NRXN3: variants seen among roughly 807,000 people sequenced by gnomAD.
NRXN3 encodes neurexin III.
A neutral mutation model predicts 137.6 loss-of-function variants in NRXN3; 32 were observed. The ratio of observed to expected loss-of-function variants is 0.23; its 90% CI spans 0.18 to 0.31. The LOEUF (loss-of-function observed/expected upper bound fraction) is 0.31, where lower values mean the gene tolerates loss of function less well. Ranked by LOEUF, NRXN3 falls within the 10% of genes least tolerant of loss-of-function variation. The pLI is 1.00. For missense variants in NRXN3, 1,574 were observed against 2,062.5 expected (o/e 0.76, Z 4.59); for synonymous variants, 798 against 784.5 (o/e 1.02, Z -0.29).
At chr14:78,808,953 T>G (rs1166000044) in intron 9 of NRXN3, among the ~76,000 whole-genome samples, 1 of 151,456 alleles carries the variant, frequency 6.6e-6, no homozygotes, top group Non-Finnish European at 1.5e-5. Context: ...CTTTCTTCCT[T>G]TAAAAAAAAA....
At chr14:79,275,133 T>A (rs1056565322) in intron 15 of NRXN3, among the ~76,000 whole-genome samples, 1 of 152,220 alleles carries the variant, frequency 6.6e-6, no homozygotes. Context: ...AAAGTCGAAC[T>A]GTTTTATGGT....
At chr14:79,135,959 C>T (rs543486974) in intron 15 of NRXN3, among the ~76,000 whole-genome samples, 1 of 152,302 alleles carries the variant, frequency 6.6e-6, no homozygotes, top group Non-Finnish European at 1.5e-5. Flanking sequence ...AATTATCCAA[C>T]ACTTTTCTTC....
At chr14:78,918,308 G>GAAAAAAAAAA (rs1271301238) in intron 10 of NRXN3, among the ~76,000 whole-genome samples, 9 of 105,782 alleles carry the variant, frequency 8.5e-5, no homozygotes, top group African/African-American at 3.5e-4. Context: ...AAAAAAAAAA[G>GAAAAAAAAAA]AGAGAGAGAG....
chr14:78,297,198 C>T (rs2076427664), intron 3 of NRXN3, among the ~76,000 whole-genome samples: 1 of 152,130 alleles, frequency 6.6e-6, no homozygotes, highest in African/African-American at 2.4e-5. Flanking sequence ...ATTGTTGTCC[C>T]TGGGCTAAGA....
intron 4 of NRXN3, among the ~76,000 whole-genome samples, chr14:78,548,115 A>C (rs2096653280): frequency 6.6e-6 from 1 of 152,252 alleles, no homozygotes; most frequent in African/African-American, 2.4e-5. Context: ...CAAGGCCATA[A>C]AACAGAAAAG....
chr14:78,610,378 C>A (rs1478203889), intron 4 of NRXN3, among the ~76,000 whole-genome samples: 1 of 152,170 alleles, frequency 6.6e-6, no homozygotes, highest in East Asian at 1.9e-4. Flanking sequence ...TCTGGCCAAC[C>A]AGGCTCCTGC....
At chr14:79,169,836 A>G (rs1363838962) in intron 15 of NRXN3, among the ~76,000 whole-genome samples, 3 of 152,126 alleles carry the variant, frequency 2.0e-5, no homozygotes, top group Admixed American at 6.6e-5. Flanking sequence ...GGGAAGACAC[A>G]CCAGTGGGAG....
intron 15 of NRXN3, among the ~76,000 whole-genome samples, chr14:79,340,748 G>A (rs2153362138): frequency 6.6e-6 from 1 of 152,348 alleles, no homozygotes; most frequent in Non-Finnish European, 1.5e-5. Context: ...ACAGGCGTAA[G>A]CCACCGCGCC....
At chr14:78,641,612 T>G (rs1353209621) in intron 4 of NRXN3, among the ~76,000 whole-genome samples, 1 of 152,272 alleles carries the variant, frequency 6.6e-6, no homozygotes, top group Non-Finnish European at 1.5e-5. Context: ...TTCAGTTGTC[T>G]ATTGTTTGTT....
At chr14:78,446,922 G>T (rs1216936482) in intron 4 of NRXN3, among the ~76,000 whole-genome samples, 1 of 152,122 alleles carries the variant, frequency 6.6e-6, no homozygotes. Context: ...GCATGACATG[G>T]TCCCTCATTC....
intron 16 of NRXN3, among the ~76,000 whole-genome samples, chr14:79,663,179 T>A (rs2098542343): frequency 6.6e-6 from 1 of 152,032 alleles, no homozygotes. Context: ...CATTGGCCTC[T>A]ACTGGGGTTA....
intron 15 of NRXN3, among the ~76,000 whole-genome samples, chr14:79,301,752 C>T (rs908078686): frequency 5.3e-5 from 8 of 151,364 alleles, no homozygotes; most frequent in South Asian, 2.1e-4. Context: ...TGTGTGCGCG[C>T]GCGTGCATAT....
rs1321285470 is a variant in NRXN3, at chr14:79,375,011, T to C, written c.3263-92210T>C. On this transcript the variant is annotated intron_variant, in intron 15 of 20. Coordinates refer to ENST00000335750, the MANE Select transcript of NRXN3 (RefSeq NM_001330195.2). ...AAGTATTTATTAAGTACCTACGATA[T>C]GCCAGGCATTGGGCTATATATGAAA... Among the ~76,000 whole-genome samples, 6 of 152,202 alleles carry C rather than the reference T, an allele frequency of 3.9e-5. No individual in the cohort carries two copies. In the East Asian group the frequency reaches 1.2e-3, roughly 29 times the overall value.
intron 8 of NRXN3, among the ~76,000 whole-genome samples, chr14:78,731,809 A>G (rs904762423): frequency 6.6e-6 from 1 of 151,818 alleles, no homozygotes; most frequent in Non-Finnish European, 1.5e-5. Context: ...ATTATCTCGT[A>G]GTTGCATAAT....
intron 15 of NRXN3, among the ~76,000 whole-genome samples, chr14:79,174,173 C>T (rs1302036986): frequency 6.6e-6 from 1 of 151,974 alleles, no homozygotes; most frequent in Non-Finnish European, 1.5e-5. Flanking sequence ...ATGAAGGTAG[C>T]GTTAATGTCT....
chr14:78,831,771 C>T (rs1351853069), intron 10 of NRXN3, among the ~76,000 whole-genome samples: 2 of 151,826 alleles, frequency 1.3e-5, no homozygotes, highest in Non-Finnish European at 2.9e-5. Context: ...AATAGTGGGA[C>T]CCTCATTTAA....
intron 1 of NRXN3, among the ~76,000 whole-genome samples, chr14:78,216,182 T>C (rs1257785294): frequency 6.7e-6 from 1 of 149,414 alleles, no homozygotes; most frequent in African/African-American, 2.4e-5. Flanking sequence ...GTAATTATAT[T>C]CAAAGACAGA....
chr14:78,278,793 G>T lies in NRXN3; in HGVS notation c.727+131G>T, dbSNP rs1365654629. The T allele has an allele frequency of 4.1e-6, 3 of 740,604 alleles. No homozygotes were observed. In the East Asian group the frequency reaches 8.2e-5, roughly 20 times the overall value. The allele number at this position is 740,604 out of a possible 1,614,324, so 45.9% of individuals were successfully genotyped here. A position where few individuals can be genotyped will look rare whatever the true frequency, so the allele number is the denominator to read the frequency against. On this transcript the variant is annotated intron_variant, in intron 3 of 20. Transcript: ENST00000335750. ...TTGCATTTTCACTGATCTAGGTTTA[G>T]AAGAAGAAATGCATTGAATTAATGG...
At chr14:79,733,411 T>C (rs1359985913) in intron 19 of NRXN3, among the ~76,000 whole-genome samples, 4 of 152,192 alleles carry the variant, frequency 2.6e-5, no homozygotes, top group African/African-American at 9.6e-5. Context: ...GTTTTAATAA[T>C]GTTCTTTGGT....
Sources: gnomAD v4.1 joint callset for allele counts (sites outside exome capture counted in the v4.1 genomes callset) on GRCh38, gnomAD v4.1.1 for gene constraint, MANE v1.5 for transcripts, NCBI Gene and HGNC (gene_info 2026-07-23, HGNC 2026-07-21) for gene names.